The following ZNF274 variants were observed in gnomAD, a reference collection of about 807,000 sequenced individuals.
ZNF274 encodes neurotrophin receptor-interacting factor homolog.
In ZNF274, 23 loss-of-function variants were observed where a neutral mutation model predicts 42.5. That is an observed-to-expected ratio of 0.54 (90% CI 0.39 to 0.77). The LOEUF (loss-of-function observed/expected upper bound fraction) is 0.77, where lower values mean the gene tolerates loss of function less well. ZNF274 is among the 30% of genes least tolerant of loss of function. The pLI, the probability that ZNF274 is intolerant of heterozygous loss-of-function variation, is 0.00. For missense variants in ZNF274, 679 were observed against 806.5 expected (o/e 0.84, Z 1.91); for synonymous variants, 292 against 305.4 (o/e 0.96, Z 0.46).
intron 4 of ZNF274, among the ~76,000 whole-genome samples, chr19:58,190,803 A>G (rs1160941670): frequency 6.6e-6 from 1 of 152,042 alleles, no homozygotes; most frequent in Non-Finnish European, 1.5e-5. Context: ...CTGTGGTGCA[A>G]GTGGCATCAG....
rs1267264826 is a variant in ZNF274 at position 58,188,616 on chromosome 19, AAAAAATATATAT to A, written c.256+1576_256+1587del. Reference sequence around the variant, plus strand: ...GTGAGACTCCATCTCAAAAAAAAAAAAAAAATATATATATATATATATATATATATGTAAAAA... The same window carrying A: ...GTGAGACTCCATCTCAAAAAAAAAAAATATATATATATATATATGTAAAAA... On this transcript the variant is annotated intron_variant, in intron 4 of 7. Coordinates refer to ENST00000617501, the MANE Select transcript of ZNF274 (RefSeq NM_133502.3). Among the ~76,000 whole-genome samples the A allele has an allele frequency of 6.2e-3, 377 of 60,682 alleles. 4 individuals carry two copies. Among genetic ancestry groups the A allele is most frequent in the African/African-American group, 0.027 (345 of 12,712 alleles). The allele number at this position is 60,682 out of a possible 152,430, so 39.8% of individuals were successfully genotyped here.
In ZNF274 at chr19:58,207,348, C is replaced by T. The variant is rs1293485448; in HGVS notation, c.739+146C>T. On this transcript the variant is annotated intron_variant, in intron 5 of 7. Coordinates refer to ENST00000617501, the MANE Select transcript of ZNF274 (RefSeq NM_133502.3). The surrounding 1 kb of genome is among the most constrained non-coding windows in gnomAD (Gnocchi z 5.6). ...AGACCAAGGACATCCATGTTGCCCA[C>T]GTGTTCCTGAGTCAGAGCCACTGAA... 6 of 1,323,916 alleles carry T rather than the reference C, an allele frequency of 4.5e-6. No homozygotes were observed. The African/African-American group carries it at 7.4e-5, about 16-fold the overall frequency. The allele number at this position is 1,323,916 out of a possible 1,614,324, so 82.0% of individuals were successfully genotyped here.
At chr19:58,188,597 C>T (rs1364752113) in intron 4 of ZNF274, among the ~76,000 whole-genome samples, 3 of 106,218 alleles carry the variant, frequency 2.8e-5, no homozygotes, top group Non-Finnish European at 5.2e-5. Context: ...CAGAGTGAGA[C>T]TCCATCTCAA....
Position 58,203,647 on chromosome 19 carries a change from A to C in ZNF274, c.257-3073A>C, listed in dbSNP as rs539525780. Reference sequence around the variant, plus strand: ...AATAAATGAAGTATGCTTTCAAATTAAGAAAAGTTACTTGGGGCGAAGTAA... The same window carrying C: ...AATAAATGAAGTATGCTTTCAAATTCAGAAAAGTTACTTGGGGCGAAGTAA... On this transcript the variant is annotated intron_variant, in intron 4 of 7. Coordinates refer to ENST00000617501, the MANE Select transcript of ZNF274 (RefSeq NM_133502.3). Among the ~76,000 whole-genome samples the C allele has an allele frequency of 5.3e-5, 8 of 152,292 alleles. 1 individual carries two copies. The South Asian group carries it at 1.7e-3, about 32-fold the overall frequency.
chr19:58,203,092 C>T (rs999670077), intron 4 of ZNF274, among the ~76,000 whole-genome samples: 6 of 152,228 alleles, frequency 3.9e-5, no homozygotes, highest in Non-Finnish European at 5.9e-5. Flanking sequence ...TATGAAGTAA[C>T]GTTTAAGATG....
rs549414643 is a variant in ZNF274, at chr19:58,211,221, G to A, written c.853-339G>A. On this transcript the variant is annotated intron_variant, in intron 6 of 7. Coordinates refer to ENST00000617501, the MANE Select transcript of ZNF274 (RefSeq NM_133502.3). The surrounding 1 kb of genome is among the most constrained non-coding windows in gnomAD (Gnocchi z 4.8). ...GGCTTGGTTGTCATTTCCACCAAGT[G>A]GGAAGACAGTATTAATAGATGGAGA... 1.0e-5 allele frequency: 2 copies of A among 193,436 alleles called. No individual in the cohort carries two copies. Among genetic ancestry groups the A allele is most frequent in the East Asian group, 2.2e-4 (2 of 9,062 alleles). 12.0% of individuals were successfully genotyped at this position (193,436 alleles called of 1,614,324 possible). A position where few individuals can be genotyped will look rare whatever the true frequency, so the allele number is the denominator to read the frequency against.
At chr19:58,193,953 T>A (rs1014532128) in intron 4 of ZNF274, among the ~76,000 whole-genome samples, 2 of 151,946 alleles carry the variant, frequency 1.3e-5, no homozygotes, top group African/African-American at 4.8e-5. Context: ...TCTATATCTA[T>A]ATATCTATAT....
intron 4 of ZNF274, among the ~76,000 whole-genome samples, chr19:58,204,268 C>A (rs1356855608): frequency 2.0e-5 from 3 of 152,052 alleles, no homozygotes; most frequent in African/African-American, 7.2e-5. Context: ...GAGAACGGTA[C>A]CGGAAGCCCG....
At chr19:58,186,176 TA>T (rs33929829) in intron 3 of ZNF274, 53,230 of 134,060 alleles carry the variant, frequency 0.4, 10,041 homozygotes, top group Admixed American at 0.46. Flanking sequence ...GTGTCTCTAT[TA>T]AAAAAAAAAA....
intron 4 of ZNF274, among the ~76,000 whole-genome samples, chr19:58,193,150 TC>T (rs1425117709): frequency 1.3e-5 from 2 of 151,514 alleles, no homozygotes; most frequent in Non-Finnish European, 2.9e-5. Flanking sequence ...CTATCTTTTT[TC>T]TTTTTTTTTT....
intron 4 of ZNF274, among the ~76,000 whole-genome samples, chr19:58,188,231 CAAATCCTTT>C (rs1267484405): frequency 2.0e-5 from 3 of 151,940 alleles, no homozygotes; most frequent in Middle Eastern, 3.2e-3. Context: ...ATTGCCATCT[CAAATCCTTT>C]AAGGCCAGGC....
rs919921186 is a variant in ZNF274, at chr19:58,207,349, G to A, written c.739+147G>A. 46 of 1,309,738 alleles carry A rather than the reference G, an allele frequency of 3.5e-5. No individual in the cohort carries two copies. Among genetic ancestry groups the A allele is most frequent in the Admixed American group, 2.3e-4 (8 of 34,500 alleles). The allele number at this position is 1,309,738 out of a possible 1,614,324, so 81.1% of individuals were successfully genotyped here. On this transcript the variant is annotated intron_variant, in intron 5 of 7. Transcript: ENST00000617501. This position sits in a 1 kb window ranked among gnomAD's most constrained non-coding sequence, Gnocchi z 5.6. ...GACCAAGGACATCCATGTTGCCCAC[G>A]TGTTCCTGAGTCAGAGCCACTGAAA...
At chr19:58,187,748 T>C (rs2075717301) in intron 4 of ZNF274, among the ~76,000 whole-genome samples, 1 of 149,840 alleles carries the variant, frequency 6.7e-6, no homozygotes, top group Admixed American at 6.7e-5. Context: ...TTTTTTGAGA[T>C]GGAATCTCAC....
chr19:58,183,511 G>A (rs981832538), intron 1 of ZNF274, 69 bp downstream of exon 1: 13 of 161,298 alleles, frequency 8.1e-5, no homozygotes, highest in Non-Finnish European at 1.2e-4. Context: ...TTAGTTGGGG[G>A]CGAGCGCGGC....
chr19:58,211,645 G>C lies in ZNF274; in HGVS notation c.938G>C (p.Arg313Pro). The C allele has an allele frequency of 1.2e-6, 2 of 1,613,820 alleles. No individual in the cohort carries two copies. The highest frequency in any genetic ancestry group is 1.7e-6 in the Non-Finnish European group (2 of 1,179,766). ...GGCCCGACACAGAGGACCGAGTACCGCGATGTGATGCTGGAGACCTTTGGG... is the reference window on the plus strand; with the variant it reads ...GGCCCGACACAGAGGACCGAGTACCCCGATGTGATGCTGGAGACCTTTGGG... ...LLGPTQRTEYRDVMLETFGHL... is the reference protein window; with the variant it reads ...LLGPTQRTEYPDVMLETFGHL... The change falls in exon 7 of 8, where the codon CGC becomes CCC. Residue 313 changes from arginine (R) to proline (P), a missense_variant. By Grantham distance (103) the Arg-to-Pro change is moderately radical. This residue lies in a region of ZNF274 where 456 missense variants were observed against 590.1 expected (regional missense o/e 0.77). Transcript: ENST00000617501. This position sits in a 1 kb window ranked among gnomAD's most constrained non-coding sequence, Gnocchi z 4.8.
At chr19:58,209,119 C>T (rs2076010473) in intron 5 of ZNF274, 1 of 152,248 alleles carries the variant, frequency 6.6e-6, no homozygotes, top group Non-Finnish European at 1.5e-5. Context: ...GTCCTCCAGA[C>T]TTGTCCTGTC....
At chr19:58,189,222 A>G (rs1015502771) in intron 4 of ZNF274, among the ~76,000 whole-genome samples, 2 of 152,126 alleles carry the variant, frequency 1.3e-5, no homozygotes, top group African/African-American at 4.8e-5. Flanking sequence ...TAGTCTCTAT[A>G]CAGAAGTTTT....
rs1555816812 is a variant in ZNF274, at chr19:58,188,620, A to ATAT, written c.256+1578_256+1579insTAT. Among the ~76,000 whole-genome samples, 211 of 70,210 alleles carry ATAT rather than the reference A, an allele frequency of 3.0e-3. 1 individual carries two copies. Among genetic ancestry groups the ATAT allele is most frequent in the East Asian group, 0.013 (43 of 3,220 alleles). The allele number at this position is 70,210 out of a possible 152,430, so 46.1% of individuals were successfully genotyped here. ...GACTCCATCTCAAAAAAAAAAAAAA[A>ATAT]ATATATATATATATATATATATATA... is the stretch of plus-strand genomic sequence containing the variant. On this transcript the variant is annotated intron_variant, in intron 4 of 7. Coordinates refer to ENST00000617501, the MANE Select transcript of ZNF274 (RefSeq NM_133502.3).
intron 4 of ZNF274, among the ~76,000 whole-genome samples, chr19:58,204,351 G>T (rs992396932): frequency 6.6e-5 from 10 of 152,174 alleles, no homozygotes; most frequent in African/African-American, 2.4e-4. Context: ...GGTCCAGGGG[G>T]GGCAGGGTTC....
Sources: gnomAD v4.1 joint callset for allele counts (sites outside exome capture counted in the v4.1 genomes callset) on GRCh38, gnomAD v4.1.1 for gene constraint, gnomAD v4.1.1 regional missense constraint, Gnocchi (gnomAD v3.1) non-coding constraint, MANE v1.5 for transcripts, NCBI Gene and HGNC (gene_info 2026-07-23, HGNC 2026-07-21) for gene names.